The following REV1 variants were observed in gnomAD, a reference collection of about 807,000 sequenced individuals.
REV1 encodes translesion synthesis protein REV1.
In REV1, 42 loss-of-function variants were observed where a neutral mutation model predicts 137.4. The ratio of observed to expected loss-of-function variants is 0.31; its 90% CI spans 0.24 to 0.40. The LOEUF is 0.40. REV1 is among the 10% of genes least tolerant of loss of function. The pLI is 1.00. For synonymous variants in REV1, 524 were observed against 519.2 expected (o/e 1.01, Z -0.12); for missense variants, 1,282 against 1,490.1 (o/e 0.86, Z 2.30).
chr2:99,486,528 C>T (rs1208615761), intron 1 of REV1, among the ~76,000 whole-genome samples: 2 of 145,862 alleles, frequency 1.4e-5, no homozygotes, highest in Non-Finnish European at 3.0e-5. Flanking sequence ...GACTCCATCT[C>T]AAAAAAAAAA....
Position 99,438,894 on chromosome 2 carries a change from G to A in REV1, c.920C>T (p.Thr307Ile). 1.9e-6 allele frequency: 3 copies of A among 1,614,210 alleles called. No homozygotes were observed. The highest frequency in any genetic ancestry group is 1.1e-5 in the South Asian group (1 of 91,090). ...SFSLSPLHSNTKINGAHHSTV... is the reference protein window; with the variant it reads ...SFSLSPLHSNIKINGAHHSTV... ...GGAGTGGTGAGCACCATTGATTTTA[G>A]TGTTACTGTGCAAAGGTGATAATGA... The change falls in exon 6 of 23, where the codon ACT becomes ATT. Residue 307 changes from threonine (T) to isoleucine (I), a missense_variant. Coordinates refer to ENST00000258428, the MANE Select transcript of REV1 (RefSeq NM_016316.4).
chr2:99,439,355 G>A (rs1681179669), intron 5 of REV1, 45 bp from the exon 6 acceptor site: 2 of 1,354,746 alleles, frequency 1.5e-6, no homozygotes, highest in Non-Finnish European at 2.0e-6. Flanking sequence ...CTGACTTTTA[G>A]GTTAAAACAA....
At chr2:99,411,988 C>T (rs550442365) in intron 13 of REV1, among the ~76,000 whole-genome samples, 78 of 151,468 alleles carry the variant, frequency 5.1e-4, no homozygotes, top group South Asian at 1.0e-3. Context: ...AATCCCAGCA[C>T]TTTAGGAGGC....
At position 99,464,031 on chromosome 2, in the gene REV1, C is replaced by A. The variant is rs114307540; in HGVS notation, c.54+891G>T. ...ACTGGATAAACCAGTGTAGTCCTCC[C>A]TACACATGGGAAAGAATACAATGAA... is the stretch of plus-strand genomic sequence containing the variant. On this transcript the variant is annotated intron_variant, in intron 2 of 22. Coordinates refer to ENST00000258428, the MANE Select transcript of REV1 (RefSeq NM_016316.4). Among the ~76,000 whole-genome samples, 769 of 152,244 alleles carry A rather than the reference C, an allele frequency of 5.1e-3. 11 individuals are homozygous for A. Among genetic ancestry groups the A allele is most frequent in the African/African-American group, 0.018 (731 of 41,532 alleles).
intron 3 of REV1, 97 bp from the exon 4 acceptor site, chr2:99,449,601 T>C: frequency 5.7e-6 from 3 of 529,262 alleles, no homozygotes; most frequent in Non-Finnish European, 8.8e-6. Context: ...AAGAATGTCA[T>C]TGGTTCACCT....
chr2:99,489,315 G>C (rs1687432013), intron 1 of REV1, among the ~76,000 whole-genome samples: 1 of 152,190 alleles, frequency 6.6e-6, no homozygotes, highest in Admixed American at 6.5e-5. Flanking sequence ...TGGAGTGCGG[G>C]TGGGAGCGGC....
chr2:99,424,358 T>G, intron 9 of REV1, 78 bp from the exon 10 acceptor site: 1 of 1,384,714 alleles, frequency 7.2e-7, no homozygotes, highest in East Asian at 2.3e-5. Flanking sequence ...TGTTGATATC[T>G]CCCCATGCCA....
intron 3 of REV1, among the ~76,000 whole-genome samples, chr2:99,453,157 G>A (rs1408206650): frequency 2.0e-5 from 3 of 152,074 alleles, no homozygotes; most frequent in Non-Finnish European, 4.4e-5. Flanking sequence ...TCAAGAGATC[G>A]AGACCATCCT....
At chr2:99,480,177 G>T (rs778432435) in intron 1 of REV1, among the ~76,000 whole-genome samples, 8 of 152,094 alleles carry the variant, frequency 5.3e-5, no homozygotes, top group African/African-American at 9.7e-5. Context: ...TTTTTAATTA[G>T]CCAGTCATGG....
chr2:99,451,560 A>C, intron 3 of REV1: 1 of 1,104,166 alleles, frequency 9.1e-7, no homozygotes, highest in Non-Finnish European at 1.2e-6. Flanking sequence ...GTTTAATCTT[A>C]GCTTTCACAC....
At position 99,402,232 on chromosome 2, in the gene REV1, ATGAATTAC is replaced by A. The variant is rs746695759; in HGVS notation, c.3644+4_3644+11del. 31 of 1,101,912 alleles carry A rather than the reference ATGAATTAC, an allele frequency of 2.8e-5. No homozygotes were observed. The highest frequency in any genetic ancestry group is 3.5e-5 in the Non-Finnish European group (26 of 749,062). The allele number at this position is 1,101,912 out of a possible 1,614,324, so 68.3% of individuals were successfully genotyped here. ...CATTTTTTCCCATTTGATAAAAGTG[ATGAATTAC>A]TACCTTTTCATGTATTTTATAACTA... On this transcript the variant is annotated splice_donor_5th_base_variant and intron_variant, in intron 22 of 22. Transcript: ENST00000258428.
At chr2:99,422,739 T>G (rs1250458387) in intron 10 of REV1, among the ~76,000 whole-genome samples, 1 of 152,170 alleles carries the variant, frequency 6.6e-6, no homozygotes, top group Non-Finnish European at 1.5e-5. Context: ...CCACTGAAAC[T>G]GTCTCCAGCC....
intron 1 of REV1, among the ~76,000 whole-genome samples, chr2:99,472,576 T>C (rs770445058): frequency 2.0e-5 from 3 of 152,214 alleles, no homozygotes; most frequent in Non-Finnish European, 4.4e-5. Flanking sequence ...GTTCTGAAGC[T>C]GGAAACACTG....
At position 99,403,048 on chromosome 2, in the gene REV1, CTT is replaced by C; in HGVS notation, c.3223_3224del (p.Lys1075GlufsTer17). ...KAAVKEKKRN[K>X]KKKTIGSPKR... ...TTGGTGAACCAATGGTTTTTTTCTT[CTT>C]GTTTCTTTTCTTTTCTTTCACTGCT... On this transcript the variant is annotated frameshift_variant, in exon 20 of 23. Transcript: ENST00000258428. LOFTEE classifies it high-confidence loss of function. The C allele has an allele frequency of 1.9e-6, 3 of 1,613,772 alleles. No individual in the cohort carries two copies. The highest frequency in any genetic ancestry group is 2.5e-6 in the Non-Finnish European group (3 of 1,179,918).
intron 15 of REV1, 157 bp from the exon 16 acceptor site, chr2:99,406,647 T>C: frequency 1.9e-6 from 1 of 523,858 alleles, no homozygotes; most frequent in Non-Finnish European, 3.0e-6. Flanking sequence ...CTATATGACT[T>C]ATTACAAAAA....
In REV1 at chr2:99,439,176, T is replaced by C. The variant is rs1279603901; in HGVS notation, c.638A>G (p.Asn213Ser). ...LEQTSPGRKQ[N>S]GIPHPRGSTA... is the part of the protein sequence containing the mutation. Reference sequence around the variant, plus strand: ...GCTCCCTCTGGGATGCGGAATTCCATTCTGTTTCCTTCCCGGAGAGGTCTG... The same window carrying C: ...GCTCCCTCTGGGATGCGGAATTCCACTCTGTTTCCTTCCCGGAGAGGTCTG... Residue 213 changes from asparagine (N) to serine (S), a missense_variant, in exon 6 of 23, where the codon AAT (asparagine) becomes AGT (serine). Physicochemically the swap from Asn to Ser is conservative, Grantham distance 46. Coordinates refer to ENST00000258428, the MANE Select transcript of REV1 (RefSeq NM_016316.4). 1.9e-6 allele frequency: 3 copies of C among 1,614,062 alleles called. No homozygotes were observed. The highest frequency in any genetic ancestry group is 2.2e-5 in the South Asian group (2 of 91,092).
intron 21 of REV1, 98 bp from the exon 22 acceptor site, chr2:99,402,444 G>T: frequency 1.3e-6 from 1 of 789,262 alleles, no homozygotes; most frequent in Non-Finnish European, 2.1e-6. Flanking sequence ...CTACAACTAT[G>T]TCACTAACAG....
At chr2:99,415,176 T>G (rs945494952) in intron 12 of REV1, among the ~76,000 whole-genome samples, 2 of 152,188 alleles carry the variant, frequency 1.3e-5, no homozygotes, top group African/African-American at 4.8e-5. Context: ...GCTGCTAGTT[T>G]TAACTAAATA....
intron 6 of REV1, among the ~76,000 whole-genome samples, chr2:99,436,969 T>C (rs2104797068): frequency 6.6e-6 from 1 of 151,694 alleles, no homozygotes; most frequent in Admixed American, 6.6e-5. Context: ...ATGTACCTAA[T>C]TCTCCCCCAA....
Sources: gnomAD v4.1 joint callset for allele counts (sites outside exome capture counted in the v4.1 genomes callset) on GRCh38, gnomAD v4.1.1 for gene constraint, MANE v1.5 for transcripts, NCBI Gene and HGNC (gene_info 2026-07-23, HGNC 2026-07-21) for gene names.